Variants in FAM184B observed in about 807,000 individuals in gnomAD.
FAM184B encodes protein FAM184B.
In FAM184B, 111 loss-of-function variants were observed where a neutral mutation model predicts 135.9. That is an observed-to-expected ratio of 0.82 (90% CI 0.70 to 0.96). The LOEUF is 0.96. FAM184B is among the 40% of genes least tolerant of loss of function. The pLI, the probability that FAM184B is intolerant of heterozygous loss-of-function variation, is 0.00. For missense variants in FAM184B, 1,375 were observed against 1,323.9 expected, an observed-to-expected ratio of 1.04 and a Z score of -0.60; for synonymous variants, 552 against 524.8, an observed-to-expected ratio of 1.05 and a Z score of -0.71.
chr4:17,737,435 G>A (rs946381709), intron 1 of FAM184B, among the ~76,000 whole-genome samples: 1 of 151,398 alleles, frequency 6.6e-6, no homozygotes, highest in Non-Finnish European at 1.5e-5. Context: ...TTTCTAAGTT[G>A]TGCCAGATAA....
chr4:17,678,755 A>G (rs1716373419), intron 7 of FAM184B, among the ~76,000 whole-genome samples: 1 of 152,232 alleles, frequency 6.6e-6, no homozygotes, highest in Non-Finnish European at 1.5e-5. Flanking sequence ...ATCTGGAGGC[A>G]TCACATTACC....
intron 1 of FAM184B, among the ~76,000 whole-genome samples, chr4:17,741,576 C>T (rs1285775484): frequency 6.6e-6 from 1 of 152,182 alleles, no homozygotes; most frequent in Non-Finnish European, 1.5e-5. Flanking sequence ...TGCCTGTAAT[C>T]CCAGCTACTC....
At chr4:17,678,282 C>T (rs1361183900) in intron 7 of FAM184B, among the ~76,000 whole-genome samples, 2 of 152,110 alleles carry the variant, frequency 1.3e-5, no homozygotes, top group African/African-American at 4.8e-5. Context: ...CTAAAGACTC[C>T]TCCAAAAAGC....
In FAM184B at chr4:17,652,845, G is replaced by C; in HGVS notation, c.2176C>G (p.Gln726Glu). 6.4e-7 allele frequency: 1 copy of C among 1,551,382 alleles called. No individual in the cohort carries two copies. The highest frequency in any genetic ancestry group is 2.4e-5 in the East Asian group (1 of 40,912). ...GGGTGTATACCTAGCAGCAGGGCCTGCTGTGCCTGCATCCTCTCACGCTCC... is the reference window on the plus strand; with the variant it reads ...GGGTGTATACCTAGCAGCAGGGCCTCCTGTGCCTGCATCCTCTCACGCTCC... ...QEERERMQAQQALLLESLRQE... is the reference protein window; with the variant it reads ...QEERERMQAQEALLLESLRQE... Residue 726 changes from glutamine (Q) to glutamate (E), a missense_variant, in exon 11 of 18, where the codon CAG becomes GAG. Gln to Glu is a conservative substitution (Grantham distance 29). Coordinates refer to ENST00000265018, the MANE Select transcript of FAM184B (RefSeq NM_015688.2).
intron 1 of FAM184B, among the ~76,000 whole-genome samples, chr4:17,735,749 G>C (rs1411843973): frequency 6.6e-6 from 1 of 151,790 alleles, no homozygotes; most frequent in African/African-American, 2.4e-5. Flanking sequence ...AAGACCACAA[G>C]TGCAAGGAAC....
intron 1 of FAM184B, among the ~76,000 whole-genome samples, chr4:17,735,760 G>A (rs917705785): frequency 2.0e-5 from 3 of 152,158 alleles, no homozygotes; most frequent in South Asian, 2.1e-4. Context: ...TGCAAGGAAC[G>A]CCATGCTCAA....
intron 1 of FAM184B, among the ~76,000 whole-genome samples, chr4:17,737,105 T>A (rs946412964): frequency 6.6e-6 from 1 of 151,666 alleles, no homozygotes; most frequent in East Asian, 1.9e-4. Flanking sequence ...GATCGTGCCA[T>A]TGCACTCCAG....
At chr4:17,646,055 T>C (rs556517802) in intron 12 of FAM184B, among the ~76,000 whole-genome samples, 2,342 of 151,488 alleles carry the variant, frequency 0.015, 56 homozygotes, top group African/African-American at 0.052. Context: ...GTTAGAATGG[T>C]GATCATTAAA....
chr4:17,722,475 A>G (rs1206067840), intron 1 of FAM184B, among the ~76,000 whole-genome samples: 2 of 152,214 alleles, frequency 1.3e-5, no homozygotes, highest in African/African-American at 4.8e-5. Context: ...CGCTAATTAA[A>G]ATCTCATCAT....
chr4:17,685,709 A>G (rs1716566503), intron 7 of FAM184B, among the ~76,000 whole-genome samples: 1 of 152,024 alleles, frequency 6.6e-6, no homozygotes, highest in Non-Finnish European at 1.5e-5. Context: ...CCCTGGAGAC[A>G]TTTTTGGTTG....
chr4:17,703,602 C>T (rs535725227), intron 5 of FAM184B, among the ~76,000 whole-genome samples: 24 of 152,090 alleles, frequency 1.6e-4, no homozygotes, highest in African/African-American at 5.8e-4. Flanking sequence ...ATTTAATTTA[C>T]ATAATAAGCC....
At chr4:17,765,854 T>C (rs1401416699) in intron 1 of FAM184B, among the ~76,000 whole-genome samples, 1 of 152,192 alleles carries the variant, frequency 6.6e-6, no homozygotes, top group Non-Finnish European at 1.5e-5. Context: ...TTCTTCCTTC[T>C]GGAGAGTTCG....
chr4:17,755,939 G>T (rs1201871047), intron 1 of FAM184B, among the ~76,000 whole-genome samples: 1 of 152,296 alleles, frequency 6.6e-6, no homozygotes, highest in South Asian at 2.1e-4. Flanking sequence ...ACATCAGGAA[G>T]AATAGCTAAC....
At chr4:17,743,603 C>T (rs990506098) in intron 1 of FAM184B, among the ~76,000 whole-genome samples, 2 of 152,192 alleles carry the variant, frequency 1.3e-5, no homozygotes, top group African/African-American at 4.8e-5. Flanking sequence ...CTCCCTCTGT[C>T]CTCATCCAAA....
chr4:17,705,344 C>T, intron 4 of FAM184B, 138 bp from the exon 5 acceptor site: 1 of 699,870 alleles, frequency 1.4e-6, no homozygotes, highest in Non-Finnish European at 2.4e-6. Context: ...ATCAATTTTA[C>T]AAGACTATAT....
intron 1 of FAM184B, among the ~76,000 whole-genome samples, chr4:17,757,961 G>A (rs1718458308): frequency 6.6e-6 from 1 of 152,130 alleles, no homozygotes; most frequent in Admixed American, 6.5e-5. Flanking sequence ...CCTCTCTCTT[G>A]AAGGACCATT....
chr4:17,639,174 G>A, intron 14 of FAM184B, 76 bp downstream of exon 14: 5 of 1,403,642 alleles, frequency 3.6e-6, no homozygotes, highest in Non-Finnish European at 4.9e-6. Flanking sequence ...AAATCCCAGG[G>A]TCATTGGGGT....
At chr4:17,664,454 A>T (rs1311978160) in intron 8 of FAM184B, 108 bp downstream of exon 8, 12 of 842,544 alleles carry the variant, frequency 1.4e-5, no homozygotes, top group Non-Finnish European at 2.0e-5. Flanking sequence ...AGCATGCTGC[A>T]AGGAGCAGTG....
In FAM184B at chr4:17,731,941, C is replaced by A. The variant is rs1291571233; in HGVS notation, c.142-22297G>T. 2.1e-4 allele frequency among the ~76,000 whole-genome samples: 32 copies of A among 152,158 alleles called. 2 individuals carry two copies. The East Asian group carries it at 6.2e-3, about 29-fold the overall frequency. Reference sequence around the variant, plus strand: ...ACTGACCACATAGTTGGAAGTAAAGCACTCCTCAGCAAATGTAAAAGAACA... The same window carrying A: ...ACTGACCACATAGTTGGAAGTAAAGAACTCCTCAGCAAATGTAAAAGAACA... On this transcript the variant is annotated intron_variant, in intron 1 of 17. Coordinates refer to ENST00000265018, the MANE Select transcript of FAM184B (RefSeq NM_015688.2).
Sources: gnomAD v4.1 joint callset for allele counts (sites outside exome capture counted in the v4.1 genomes callset) on GRCh38, gnomAD v4.1.1 for gene constraint, MANE v1.5 for transcripts, NCBI Gene and HGNC (gene_info 2026-07-23, HGNC 2026-07-21) for gene names.